The following SMC5 variants were observed in gnomAD, a reference collection of about 807,000 sequenced individuals.
The protein encoded by SMC5 is structural maintenance of chromosomes 5.
In SMC5, 88 loss-of-function variants were observed where a neutral mutation model predicts 148.3. The observed-to-expected ratio is 0.59, with a 90% CI of 0.50 to 0.71. SMC5 has a LOEUF of 0.71. Ranked by LOEUF, SMC5 falls within the 30% of genes least tolerant of loss-of-function variation. The probability of loss-of-function intolerance (pLI) is 0.00; values close to 1 mark genes in which losing one functional copy is unlikely to be tolerated. For missense variants in SMC5, 1,142 were observed against 1,298.9 expected, an observed-to-expected ratio of 0.88 and a Z score of 1.86; for synonymous variants, 421 against 432.8, an observed-to-expected ratio of 0.97 and a Z score of 0.34.
At chr9:70,297,258 A>G (rs944536092) in intron 8 of SMC5, among the ~76,000 whole-genome samples, 1 of 152,210 alleles carries the variant, frequency 6.6e-6, no homozygotes, top group Non-Finnish European at 1.5e-5. Context: ...AAGTTTGTGT[A>G]TGTTGAACCA....
chr9:70,280,781 A>G lies in SMC5; in HGVS notation c.701A>G (p.Glu234Gly). ...TAGACCTCATGCAAAGAGAAAACTGAGTATCTACAGAAAATGGTTCAGAGG... is the reference window on the plus strand; with the variant it reads ...TAGACCTCATGCAAAGAGAAAACTGGGTATCTACAGAAAATGGTTCAGAGG... ...QLETSCKEKT[E>G]YLQKMVQRNE... The change falls in exon 6 of 25, where the codon GAG becomes GGG. Residue 234 changes from glutamate (E) to glycine (G), a missense_variant. Around this residue, in one of 5 missense-constraint regions of SMC5, gnomAD observed 297 missense variants for 302.6 expected, o/e 0.98. Transcript: ENST00000361138. 1.9e-6 allele frequency: 3 copies of G among 1,612,904 alleles called. No individual in the cohort carries two copies. Among genetic ancestry groups the G allele is most frequent in the Non-Finnish European group, 1.7e-6 (2 of 1,179,620 alleles).
At chr9:70,296,095 T>C (rs2035194223) in intron 8 of SMC5, among the ~76,000 whole-genome samples, 1 of 152,156 alleles carries the variant, frequency 6.6e-6, no homozygotes, top group Admixed American at 6.5e-5. Flanking sequence ...CAAAGCTAAA[T>C]TTTTAGAAAG....
intron 2 of SMC5, among the ~76,000 whole-genome samples, chr9:70,266,707 T>G (rs2034300453): frequency 6.6e-6 from 1 of 152,240 alleles, no homozygotes; most frequent in Admixed American, 6.5e-5. Context: ...CAAGAATATT[T>G]AATGTATTTT....
Position 70,307,628 on chromosome 9 carries a change from G to A in SMC5, c.1578+2268G>A, listed in dbSNP as rs530126511. Among the ~76,000 whole-genome samples the A allele has an allele frequency of 1.3e-4, 20 of 151,890 alleles. No individual in the cohort carries two copies. The South Asian group carries it at 3.3e-3, about 25-fold the overall frequency. The stretch of plus-strand genomic sequence containing the variant: ...AGCAATTCCCCTGCCTCAGCTTCTC[G>A]AGTAGCTGGGATTACAGGCGTCCAC... On this transcript the variant is annotated intron_variant, in intron 11 of 24. Coordinates refer to ENST00000361138, the MANE Select transcript of SMC5 (RefSeq NM_015110.4).
chr9:70,265,303 G>A (rs2034259913), intron 2 of SMC5, among the ~76,000 whole-genome samples: 2 of 151,736 alleles, frequency 1.3e-5, no homozygotes, highest in Non-Finnish European at 2.9e-5. Flanking sequence ...TACTAAAACT[G>A]CAAAAATTAG....
chr9:70,309,028 T>C (rs1190220681), intron 11 of SMC5, among the ~76,000 whole-genome samples: 2 of 152,188 alleles, frequency 1.3e-5, no homozygotes, highest in African/African-American at 4.8e-5. Context: ...GTGAATAGCA[T>C]TATGTCTAAA....
intron 8 of SMC5, among the ~76,000 whole-genome samples, chr9:70,296,575 T>C (rs890546889): frequency 1.3e-5 from 2 of 151,146 alleles, no homozygotes; most frequent in African/African-American, 4.9e-5. Flanking sequence ...AAGGTAAAAG[T>C]TTAAGGACAT....
intron 18 of SMC5, 91 bp from the exon 19 acceptor site, chr9:70,346,514 T>C (rs558055955): frequency 7.9e-7 from 1 of 1,265,604 alleles, no homozygotes; most frequent in East Asian, 2.3e-5. Flanking sequence ...CTCAGGATGC[T>C]TTTTTAGTTC....
At chr9:70,305,473 T>A in intron 11 of SMC5, 113 bp downstream of exon 11, 1 of 631,096 alleles carries the variant, frequency 1.6e-6, no homozygotes, top group Non-Finnish European at 2.9e-6. Context: ...CAGTTCACTC[T>A]CATGCAAAAT....
At chr9:70,322,905 T>C (rs1038822887) in intron 15 of SMC5, among the ~76,000 whole-genome samples, 10 of 152,180 alleles carry the variant, frequency 6.6e-5, no homozygotes, top group African/African-American at 2.4e-4. Context: ...TACTCTCCTT[T>C]AGGCAAGCTT....
chr9:70,333,219 CA>C (rs2036268438), intron 17 of SMC5, among the ~76,000 whole-genome samples: 1 of 152,126 alleles, frequency 6.6e-6, no homozygotes, highest in Non-Finnish European at 1.5e-5. Context: ...GAGATAAGTT[CA>C]ATATATAGAA....
At chr9:70,314,197 C>G (rs1331915511) in intron 11 of SMC5, among the ~76,000 whole-genome samples, 1 of 152,178 alleles carries the variant, frequency 6.6e-6, no homozygotes, top group Non-Finnish European at 1.5e-5. Flanking sequence ...TATGATCCCT[C>G]CAGCCAGAAA....
chr9:70,307,740 G>C (rs1451751943), intron 11 of SMC5, among the ~76,000 whole-genome samples: 1 of 152,074 alleles, frequency 6.6e-6, no homozygotes, highest in Non-Finnish European at 1.5e-5. Flanking sequence ...CTGACCTCAA[G>C]TGATCCGCCC....
intron 17 of SMC5, 30 bp from the exon 18 acceptor site, chr9:70,344,114 T>G: frequency 7.2e-7 from 1 of 1,387,190 alleles, no homozygotes; most frequent in Non-Finnish European, 9.7e-7. Flanking sequence ...ACATTAACAT[T>G]CAAATTTTCA....
chr9:70,347,933 G>T lies in SMC5; in HGVS notation c.2784G>T (p.Trp928Cys). The part of the protein sequence containing the change: ...RENISQVKER[W>C]LNPLKELVEK... ...TTTATTTGTAGGTAAAAGAAAGGTG[G>T]CTTAATCCTTTAAAAGAGCTGGTAG... The change falls in exon 22 of 25, where the codon TGG becomes TGT. Residue 928 changes from tryptophan (W) to cysteine (C), a missense_variant. By Grantham distance (215) the Trp-to-Cys change is radical (BLOSUM62 -2). Around this residue, in one of 5 missense-constraint regions of SMC5, gnomAD observed 743 missense variants for 835.7 expected, o/e 0.89. Transcript: ENST00000361138. 1 of 1,594,136 alleles carries T rather than the reference G, an allele frequency of 6.3e-7. No individual in the cohort carries two copies. The highest frequency in any genetic ancestry group is 8.5e-7 in the Non-Finnish European group (1 of 1,170,484).
Position 70,278,481 on chromosome 9 carries a change from TG to T in SMC5, c.544-9del, listed in dbSNP as rs2034657212. 2 of 1,599,568 alleles carry T rather than the reference TG, an allele frequency of 1.3e-6. No homozygotes were observed. Among genetic ancestry groups the T allele is most frequent in the Admixed American group, 1.8e-5 (1 of 55,002 alleles). On this transcript the variant is annotated splice_polypyrimidine_tract_variant and intron_variant, in intron 4 of 24. Transcript: ENST00000361138. ...ATGATAGTTGCTGATATTTAATTTT[TG>T]TGCTCTAGGACAAAGTTGGAGAATT... is the stretch of plus-strand genomic sequence containing the variant.
At chr9:70,282,039 GT>G (rs1554690662) in intron 6 of SMC5, among the ~76,000 whole-genome samples, 41 of 120,404 alleles carry the variant, frequency 3.4e-4, no homozygotes, top group African/African-American at 5.6e-4. Flanking sequence ...TTTTCATTTT[GT>G]TTTTTTTTTT....
chr9:70,351,028 G>A (rs2036791332), intron 24 of SMC5, among the ~76,000 whole-genome samples: 1 of 152,186 alleles, frequency 6.6e-6, no homozygotes, highest in South Asian at 2.1e-4. Context: ...TGTTTTTAAT[G>A]TAACCAGATT....
intron 11 of SMC5, among the ~76,000 whole-genome samples, chr9:70,314,491 G>T (rs2035743948): frequency 6.6e-6 from 1 of 151,974 alleles, no homozygotes; most frequent in South Asian, 2.1e-4. Flanking sequence ...TCATTTTGAA[G>T]TAATTCCCAG....
Sources: allele counts gnomAD v4.1 joint callset (sites outside exome capture counted in the v4.1 genomes callset), GRCh38; gene constraint gnomAD v4.1.1; regional missense constraint gnomAD v4.1.1; transcripts MANE v1.5; gene names NCBI Gene and HGNC (gene_info 2026-07-23, HGNC 2026-07-21).